Variants in EPB41L2 observed in about 807,000 individuals in gnomAD.
EPB41L2 encodes the protein band 4.1-like protein 2.
A neutral mutation model predicts 113.0 loss-of-function variants in EPB41L2; 43 were observed. The ratio of observed to expected loss-of-function variants is 0.38; its 90% CI spans 0.30 to 0.49. EPB41L2 has a LOEUF of 0.49. Among genes scored for constraint, EPB41L2 ranks in the 20% least tolerant of loss-of-function variants. EPB41L2 has a pLI of 0.95. For synonymous variants in EPB41L2, 442 were observed against 436.7 expected (o/e 1.01, Z -0.15); for missense variants, 1,147 against 1,223.4 (o/e 0.94, Z 0.93).
intron 19 of EPB41L2, among the ~76,000 whole-genome samples, chr6:130,843,039 G>A (rs983314385): frequency 6.6e-6 from 1 of 152,020 alleles, no homozygotes; most frequent in African/African-American, 2.4e-5. Context: ...TAGATATTGT[G>A]TCAAAACATC....
In EPB41L2 at chr6:130,916,926, C is replaced by CA. The variant is rs749332878; in HGVS notation, c.811-8064dup. Among the ~76,000 whole-genome samples, 20 of 152,246 alleles carry CA rather than the reference C, an allele frequency of 1.3e-4. No individual in the cohort carries two copies. The East Asian group carries it at 2.9e-3, about 22-fold the overall frequency. ...AAGCTCAATATAGAGAGACATTTTT[C>CA]AAGTCCTACTGGCTTGTCAGCCTTC... On this transcript the variant is annotated intron_variant, in intron 4 of 19. Transcript: ENST00000337057.
intron 18 of EPB41L2, among the ~76,000 whole-genome samples, chr6:130,861,564 C>T (rs1359243519): frequency 1.3e-5 from 2 of 152,084 alleles, no homozygotes; most frequent in Admixed American, 6.5e-5. Context: ...GACCAAAAGC[C>T]ACAATCACAT....
intron 1 of EPB41L2, among the ~76,000 whole-genome samples, chr6:131,061,442 G>A (rs776953274): frequency 6.6e-6 from 1 of 152,184 alleles, no homozygotes; most frequent in Non-Finnish European, 1.5e-5. Context: ...TCTGACAGGT[G>A]ACACAGCATA....
chr6:130,977,967 C>CT (rs1778557038), intron 1 of EPB41L2, among the ~76,000 whole-genome samples: 1 of 152,194 alleles, frequency 6.6e-6, no homozygotes, highest in South Asian at 2.1e-4. Context: ...TATGGTTTAA[C>CT]TTTATTTTTA....
chr6:130,894,719 C>G (rs569153825), intron 9 of EPB41L2, among the ~76,000 whole-genome samples: 2 of 152,168 alleles, frequency 1.3e-5, no homozygotes, highest in African/African-American at 4.8e-5. Flanking sequence ...TTAATTGATT[C>G]AACAAGAAAA....
intron 1 of EPB41L2, 127 bp downstream of exon 1, chr6:131,063,028 C>G (rs1191278993): frequency 1.3e-5 from 2 of 152,894 alleles, no homozygotes; most frequent in Non-Finnish European, 2.9e-5. Context: ...GTCCCGCCAC[C>G]GCTTCCTGCC....
intron 1 of EPB41L2, among the ~76,000 whole-genome samples, chr6:131,021,549 T>A (rs1789483134): frequency 1.3e-5 from 2 of 151,998 alleles, no homozygotes; most frequent in South Asian, 4.2e-4. Context: ...TAATCCCAGC[T>A]ACTCAGGAGC....
At chr6:130,901,414 G>A (rs530439377) in intron 6 of EPB41L2, among the ~76,000 whole-genome samples, 17 of 151,708 alleles carry the variant, frequency 1.1e-4, no homozygotes, top group African/African-American at 1.9e-4. Context: ...ATATGTGTGT[G>A]TGTATATATA....
At chr6:130,893,309 T>C (rs1372614180) in intron 10 of EPB41L2, among the ~76,000 whole-genome samples, 2 of 152,082 alleles carry the variant, frequency 1.3e-5, no homozygotes, top group Non-Finnish European at 2.9e-5. Context: ...GGAATGATTA[T>C]CTCCTCCTTG....
chr6:131,058,951 G>A (rs1798128485), intron 1 of EPB41L2, among the ~76,000 whole-genome samples: 1 of 152,144 alleles, frequency 6.6e-6, no homozygotes, highest in Non-Finnish European at 1.5e-5. Context: ...GGAAGACGGA[G>A]GTTGCAGTGA....
chr6:130,878,279 G>GA (rs756282788), intron 13 of EPB41L2, 29 bp from the exon 14 acceptor site: 5 of 1,542,416 alleles, frequency 3.2e-6, no homozygotes, highest in Non-Finnish European at 4.3e-6. Context: ...ACAAAGGGGG[G>GA]AAAAATCCAA....
intron 4 of EPB41L2, among the ~76,000 whole-genome samples, chr6:130,922,047 T>C (rs1250884887): frequency 6.6e-6 from 1 of 152,234 alleles, no homozygotes; most frequent in Non-Finnish European, 1.5e-5. Flanking sequence ...TGAATGTGCA[T>C]TTCTATGTGT....
At chr6:130,908,025 C>T (rs1393653121) in intron 5 of EPB41L2, among the ~76,000 whole-genome samples, 1 of 152,186 alleles carries the variant, frequency 6.6e-6, no homozygotes, top group Non-Finnish European at 1.5e-5. Context: ...TGCCTACCTT[C>T]TCTGCTTCAG....
At chr6:130,964,115 G>A (rs1346223419) in intron 1 of EPB41L2, among the ~76,000 whole-genome samples, 5 of 152,006 alleles carry the variant, frequency 3.3e-5, no homozygotes, top group East Asian at 3.9e-4. Context: ...TCCGCCTGCC[G>A]GGTTCAAGCG....
At chr6:130,935,129 T>C (rs1414683466) in intron 3 of EPB41L2, among the ~76,000 whole-genome samples, 2 of 152,182 alleles carry the variant, frequency 1.3e-5, no homozygotes, top group Non-Finnish European at 2.9e-5. Context: ...CAATGTAGTT[T>C]CAGTTGCTAA....
intron 1 of EPB41L2, among the ~76,000 whole-genome samples, chr6:130,957,403 G>C (rs940903392): frequency 5.9e-5 from 9 of 152,208 alleles, no homozygotes; most frequent in Admixed American, 6.5e-5. Context: ...GGCCTGCGGA[G>C]ATAGCCGATC....
At chr6:130,976,623 T>C (rs1778264399) in intron 1 of EPB41L2, among the ~76,000 whole-genome samples, 1 of 152,062 alleles carries the variant, frequency 6.6e-6, no homozygotes, top group Non-Finnish European at 1.5e-5. Flanking sequence ...TGGCTGAGAA[T>C]CTCTAATCAA....
At chr6:130,880,426 T>C (rs1300111736) in intron 12 of EPB41L2, 2 of 633,470 alleles carry the variant, frequency 3.2e-6, no homozygotes, top group East Asian at 2.7e-5. Flanking sequence ...AGTCATGAGA[T>C]GTTTAACTTT....
At chr6:131,007,556 CAGA>C (rs1337457927) in intron 1 of EPB41L2, among the ~76,000 whole-genome samples, 1 of 152,082 alleles carries the variant, frequency 6.6e-6, no homozygotes, top group Admixed American at 6.5e-5. Context: ...TAGGAGGACT[CAGA>C]AGAAGATAGG....
Sources: gnomAD v4.1 joint callset for allele counts (sites outside exome capture counted in the v4.1 genomes callset) on GRCh38, gnomAD v4.1.1 for gene constraint, MANE v1.5 for transcripts, NCBI Gene and HGNC (gene_info 2026-07-23, HGNC 2026-07-21) for gene names.